Variants in NLGN1 observed in about 807,000 individuals in gnomAD.
NLGN1 encodes neuroligin-1.
A neutral mutation model predicts 65.5 loss-of-function variants in NLGN1; 12 were observed. The ratio of observed to expected loss-of-function variants is 0.18; its 90% CI spans 0.12 to 0.30. The LOEUF is 0.30. NLGN1 is among the 10% of genes least tolerant of loss of function. The pLI is 1.00. For synonymous variants in NLGN1, 350 were observed against 359.5 expected (o/e 0.97, Z 0.30); for missense variants, 750 against 1,007.1 (o/e 0.74, Z 3.46).
chr3:173,745,532 A>G (rs1775235220), intron 3 of NLGN1, among the ~76,000 whole-genome samples: 2 of 152,088 alleles, frequency 1.3e-5, no homozygotes, highest in Admixed American at 6.6e-5. Flanking sequence ...AAGCAAACTT[A>G]CAAACACCCG....
chr3:173,422,146 T>TATATACACACAC (rs398063034), intron 1 of NLGN1, among the ~76,000 whole-genome samples: 198 of 130,318 alleles, frequency 1.5e-3, no homozygotes, highest in African/African-American at 5.4e-3. Flanking sequence ...ACACTATATA[T>TATATACACACAC]ACACACACAC....
intron 4 of NLGN1, among the ~76,000 whole-genome samples, chr3:174,259,289 T>C (rs559437192): frequency 6.6e-6 from 1 of 152,136 alleles, no homozygotes; most frequent in Non-Finnish European, 1.5e-5. Context: ...ATAGCATCCC[T>C]CTTTCCCACT....
chr3:174,162,720 G>T (rs1577163807), intron 4 of NLGN1, among the ~76,000 whole-genome samples: 1 of 151,128 alleles, frequency 6.6e-6, no homozygotes, highest in South Asian at 2.1e-4. Flanking sequence ...GTTTAAAACA[G>T]TCCTATGACT....
chr3:173,766,796 T>G (rs1328422150), intron 3 of NLGN1, among the ~76,000 whole-genome samples: 1 of 152,200 alleles, frequency 6.6e-6, no homozygotes, highest in Non-Finnish European at 1.5e-5. Flanking sequence ...TTTTTCGTTT[T>G]TATAAGAATA....
At chr3:174,278,757 GCTGTATCT>G in intron 5 of NLGN1, 96 bp from the exon 6 acceptor site, 1 of 879,924 alleles carries the variant, frequency 1.1e-6, no homozygotes, top group Non-Finnish European at 1.6e-6. Flanking sequence ...TGTTTCTTGA[GCTGTATCT>G]GGGTTTTTAT....
Position 174,062,551 on chromosome 3 carries a change from G to A in NLGN1, c.647-212764G>A, listed in dbSNP as rs907978599. Among the ~76,000 whole-genome samples, 10 of 151,620 alleles carry A rather than the reference G, an allele frequency of 6.6e-5. No homozygotes were observed. In the East Asian group the frequency reaches 7.7e-4, roughly 12 times the overall value. On this transcript the variant is annotated intron_variant, in intron 4 of 6. Transcript: ENST00000457714. The stretch of plus-strand genomic sequence containing the variant: ...AGACAGTAAATTCAATGGCTTGAAC[G>A]TATTCTCTAAAAAAAAACACTAATT...
intron 4 of NLGN1, among the ~76,000 whole-genome samples, chr3:173,893,749 G>T (rs1735799288): frequency 6.6e-6 from 1 of 151,782 alleles, no homozygotes; most frequent in African/African-American, 2.4e-5. Flanking sequence ...ACCTCCCTTT[G>T]TCCTTCGTGT....
chr3:173,765,078 GTGTGTGTGTGTGTGTGTGTGTA>G lies in NLGN1; in HGVS notation c.494-42598_494-42577del, dbSNP rs1408720265. Among the ~76,000 whole-genome samples, 174 of 151,040 alleles carry G rather than the reference GTGTGTGTGTGTGTGTGTGTGTA, an allele frequency of 1.2e-3. 1 individual carries two copies. Among genetic ancestry groups the G allele is most frequent in the African/African-American group, 4.0e-3 (165 of 41,160 alleles). ...TGTGTGTGTGTGTGTGTGTGTGTGT[GTGTGTGTGTGTGTGTGTGTGTA>G]TGTATGCACACATACATTTGTATGG... On this transcript the variant is annotated intron_variant, in intron 3 of 6. Coordinates refer to ENST00000457714, the Ensembl canonical transcript of NLGN1.
intron 2 of NLGN1, among the ~76,000 whole-genome samples, chr3:173,566,937 T>C (rs1013542428): frequency 1.3e-5 from 2 of 152,152 alleles, no homozygotes; most frequent in Non-Finnish European, 1.5e-5. Context: ...ATCAGTTCAG[T>C]GTATAATGAA....
At chr3:173,697,551 G>A (rs549938558) in intron 3 of NLGN1, among the ~76,000 whole-genome samples, 127 of 151,574 alleles carry the variant, frequency 8.4e-4, no homozygotes, top group African/African-American at 2.8e-3. Context: ...TTTTTAGACT[G>A]AGTTTCGCTC....
At chr3:173,440,731 A>G (rs545515738) in intron 2 of NLGN1, among the ~76,000 whole-genome samples, 22 of 152,300 alleles carry the variant, frequency 1.4e-4, no homozygotes, top group South Asian at 2.1e-4. Flanking sequence ...TTTATAGAGC[A>G]CAGGCAGAGT....
At chr3:174,083,738 A>G (rs16833128) in intron 4 of NLGN1, among the ~76,000 whole-genome samples, 4,806 of 152,246 alleles carry the variant, frequency 0.032, 245 homozygotes, top group African/African-American at 0.1. Flanking sequence ...TTTGCATCCA[A>G]TGCTAATACC....
intron 1 of NLGN1, among the ~76,000 whole-genome samples, chr3:173,399,395 T>C (rs1457347193): frequency 1.3e-5 from 2 of 152,228 alleles, no homozygotes; most frequent in African/African-American, 4.8e-5. Flanking sequence ...GTCTCCCTTC[T>C]TCCACCCCCA....
intron 4 of NLGN1, among the ~76,000 whole-genome samples, chr3:173,829,436 C>T (rs1025391829): frequency 6.6e-6 from 1 of 152,020 alleles, no homozygotes; most frequent in Non-Finnish European, 1.5e-5. Context: ...AAATTCTATA[C>T]AATGTGTACA....
chr3:174,009,143 C>T (rs551557584), intron 4 of NLGN1, among the ~76,000 whole-genome samples: 2 of 152,194 alleles, frequency 1.3e-5, no homozygotes, highest in African/African-American at 4.8e-5. Flanking sequence ...CCACTGTGTC[C>T]TCACATGGTT....
At chr3:173,643,969 G>A (rs1341024890) in intron 3 of NLGN1, among the ~76,000 whole-genome samples, 2 of 152,126 alleles carry the variant, frequency 1.3e-5, no homozygotes, top group Non-Finnish European at 2.9e-5. Context: ...GGCACACATG[G>A]AAGCTGCCAG....
At chr3:174,236,405 A>T (rs972988402) in intron 4 of NLGN1, among the ~76,000 whole-genome samples, 1 of 152,060 alleles carries the variant, frequency 6.6e-6, no homozygotes, top group African/African-American at 2.4e-5. Context: ...ATTAATATTT[A>T]AAATTACTGT....
intron 4 of NLGN1, among the ~76,000 whole-genome samples, chr3:173,937,436 TATC>T: frequency 6.6e-6 from 1 of 152,092 alleles, no homozygotes. Context: ...AGATTAGATT[TATC>T]ATTGAGTCCA....
intron 4 of NLGN1, among the ~76,000 whole-genome samples, chr3:173,905,025 T>C (rs190711525): frequency 1.1e-4 from 17 of 152,272 alleles, no homozygotes; most frequent in Non-Finnish European, 1.8e-4. Flanking sequence ...AGCTCCTTTT[T>C]CTAGTTTCAT....
Sources: gnomAD v4.1 joint callset for allele counts (sites outside exome capture counted in the v4.1 genomes callset) on GRCh38, gnomAD v4.1.1 for gene constraint, MANE v1.5 for transcripts, NCBI Gene and HGNC (gene_info 2026-07-23, HGNC 2026-07-21) for gene names.